The following SLC12A3 variants were observed in gnomAD, a reference collection of about 807,000 sequenced individuals.
SLC12A3 encodes solute carrier family 12 member 3, also known as Na-Cl cotransporter.
Under a neutral mutation model 121.0 loss-of-function variants are expected in SLC12A3, and 104 were observed. That is an observed-to-expected ratio of 0.86 (90% confidence interval 0.73 to 1.01). The LOEUF (loss-of-function observed/expected upper bound fraction) is 1.01, where lower values mean the gene tolerates loss of function less well. Ranked by LOEUF, SLC12A3 falls within the 50% of genes least tolerant of loss-of-function variation. SLC12A3 has a pLI of 0.00. For missense variants in SLC12A3, 1,328 were observed against 1,356.3 expected, an observed-to-expected ratio of 0.98 and a Z score of 0.33; for synonymous variants, 536 against 533.4, an observed-to-expected ratio of 1.00 and a Z score of -0.07.
chr16:56,906,849 C>A, intron 25 of SLC12A3: 1 of 643,056 alleles, frequency 1.6e-6, no homozygotes. Flanking sequence ...CTCAAGAAAG[C>A]AATGAAAGGA....
chr16:56,890,516 G>C (rs989297208), intron 19 of SLC12A3, among the ~76,000 whole-genome samples, 160 bp downstream of exon 19: 1 of 152,214 alleles, frequency 6.6e-6, no homozygotes, highest in East Asian at 1.9e-4. Context: ...GAAAGAGAAA[G>C]CAACGCATTC....
chr16:56,914,061 C>T lies in SLC12A3; in HGVS notation c.*656C>T, dbSNP rs2055721975. ...AATAGCTGGGATTACAGGCACCTGC[C>T]ATCACACGAGCTAATTTTTGTATTT... is the stretch of plus-strand genomic sequence containing the variant. On this transcript the variant is annotated 3_prime_UTR_variant, in exon 26 of 26. Coordinates refer to ENST00000563236, the MANE Select transcript of SLC12A3 (RefSeq NM_001126108.2). The T allele has an allele frequency of 6.6e-6, 1 of 152,292 alleles. No homozygotes were observed. The highest frequency in any genetic ancestry group is 1.9e-4 in the East Asian group (1 of 5,202). 9.4% of individuals were successfully genotyped at this position (152,292 alleles called of 1,614,324 possible). A position where few individuals can be genotyped will look rare whatever the true frequency, so the allele number is the denominator to read the frequency against.
rs1278411287 is a variant in SLC12A3 at position 56,872,809 on chromosome 16, C to T, written c.1095+23C>T. 5 of 1,613,958 alleles carry T rather than the reference C, an allele frequency of 3.1e-6. No individual in the cohort carries two copies. The South Asian group carries it at 5.5e-5, about 18-fold the overall frequency. ...AAGGTGAGCAGAATACTTGCCCCTC[C>T]TGTGTCCTGGCACTGCACAGGGGCT... is the stretch of plus-strand genomic sequence containing the variant. On this transcript the variant is annotated intron_variant, in intron 8 of 25. Transcript: ENST00000563236.
At chr16:56,888,251 C>T (rs1190315091) in intron 18 of SLC12A3, among the ~76,000 whole-genome samples, 1 of 152,192 alleles carries the variant, frequency 6.6e-6, no homozygotes, top group Non-Finnish European at 1.5e-5. Flanking sequence ...TGCACTCCAG[C>T]CTAGGCGAAA....
At chr16:56,865,991 CTT>C (rs5817079) in intron 1 of SLC12A3, among the ~76,000 whole-genome samples, 65 of 140,008 alleles carry the variant, frequency 4.6e-4, no homozygotes, top group Admixed American at 7.1e-4. Context: ...CTTTTCTTTT[CTT>C]TTTTTTTTTT....
intron 12 of SLC12A3, among the ~76,000 whole-genome samples, chr16:56,880,645 G>A (rs1386946706): frequency 6.6e-6 from 1 of 152,274 alleles, no homozygotes. Flanking sequence ...CTTGGGATGG[G>A]ATACCAATGG....
At chr16:56,872,211 A>G (rs1469365844) in intron 6 of SLC12A3, 140 bp from the exon 7 acceptor site, 1 of 689,946 alleles carries the variant, frequency 1.4e-6, no homozygotes, top group Non-Finnish European at 2.6e-6. Context: ...CCTTGAACAG[A>G]TCCTGCTGCA....
intron 24 of SLC12A3, among the ~76,000 whole-genome samples, chr16:56,903,742 C>T (rs1044006142): frequency 2.0e-5 from 3 of 146,400 alleles, no homozygotes; most frequent in African/African-American, 8.0e-5. Context: ...AAGGAGTCTC[C>T]CACCCCCAAC....
intron 20 of SLC12A3, 124 bp from the exon 21 acceptor site, chr16:56,892,815 GTCCTGGGCCCCGGT>G (rs1472690612): frequency 5.8e-6 from 4 of 694,360 alleles, no homozygotes; most frequent in African/African-American, 3.5e-5. Context: ...AGCACTGAGC[GTCCTGGGCCCCGGT>G]TCCTGTTCCA....
At chr16:56,872,280 A>G in intron 6 of SLC12A3, 71 bp from the exon 7 acceptor site, 1 of 1,088,838 alleles carries the variant, frequency 9.2e-7, no homozygotes, top group Non-Finnish European at 1.4e-6. Flanking sequence ...TGGGCAAATC[A>G]TTTTCTGGCG....
rs1177624087 is a variant in SLC12A3, at chr16:56,909,223, C to G, written c.2925-4041C>G. Among the ~76,000 whole-genome samples, 10 of 151,378 alleles carry G rather than the reference C, an allele frequency of 6.6e-5. No homozygotes were observed. The East Asian group carries it at 1.9e-3, about 29-fold the overall frequency. ...CCTGTAATCCCAGCACTTTGGGAGG[C>G]TGAGGCTGAAGGATTGATCGAGCCC... On this transcript the variant is annotated intron_variant, in intron 25 of 25. Coordinates refer to ENST00000563236, the MANE Select transcript of SLC12A3 (RefSeq NM_001126108.2).
intron 22 of SLC12A3, among the ~76,000 whole-genome samples, chr16:56,898,760 T>C (rs1237594255): frequency 1.3e-5 from 2 of 152,236 alleles, no homozygotes; most frequent in Non-Finnish European, 2.9e-5. Flanking sequence ...GTCTTGCTAC[T>C]CCTGGGTCTG....
chr16:56,899,486 C>A, intron 22 of SLC12A3, 44 bp from the exon 23 acceptor site: 1 of 1,475,442 alleles, frequency 6.8e-7, no homozygotes, highest in Non-Finnish European at 9.5e-7. Context: ...AAGACGCTGT[C>A]TCAAGAAAAA....
At chr16:56,886,645 G>A (rs552222727) in intron 16 of SLC12A3, among the ~76,000 whole-genome samples, 170 bp downstream of exon 16, 2 of 152,294 alleles carry the variant, frequency 1.3e-5, no homozygotes, top group South Asian at 4.1e-4. Flanking sequence ...CACCCACAGA[G>A]TGGGGGCCGA....
chr16:56,883,725 C>G (rs2144722344), intron 13 of SLC12A3, among the ~76,000 whole-genome samples: 1 of 152,336 alleles, frequency 6.6e-6, no homozygotes, highest in East Asian at 1.9e-4. Context: ...GGGAGCCAGG[C>G]AGAATCATGT....
At chr16:56,870,494 G>C in intron 5 of SLC12A3, 132 bp from the exon 6 acceptor site, 1 of 776,190 alleles carries the variant, frequency 1.3e-6, no homozygotes, top group Non-Finnish European at 2.3e-6. Context: ...GGACTCGATG[G>C]CAGGGGTGGT....
At chr16:56,881,799 A>C (rs1447898125) in intron 12 of SLC12A3, among the ~76,000 whole-genome samples, 2 of 152,120 alleles carry the variant, frequency 1.3e-5, no homozygotes, top group African/African-American at 4.8e-5. Context: ...CTGTAATCCC[A>C]GCACTTTAGG....
intron 15 of SLC12A3, among the ~76,000 whole-genome samples, chr16:56,885,855 G>A (rs989459768): frequency 2.0e-5 from 3 of 152,194 alleles, no homozygotes; most frequent in Non-Finnish European, 4.4e-5. Context: ...TGAGGTCCAG[G>A]AAATTACTAA....
At chr16:56,879,027 T>C (rs750023593) in intron 9 of SLC12A3, 46 bp from the exon 10 acceptor site, 11 of 1,568,916 alleles carry the variant, frequency 7.0e-6, no homozygotes, top group Non-Finnish European at 9.5e-6. Context: ...GAGGACAGAG[T>C]AAGGAGGGAA....
Sources: gnomAD v4.1 joint callset for allele counts (sites outside exome capture counted in the v4.1 genomes callset) on GRCh38, gnomAD v4.1.1 for gene constraint, MANE v1.5 for transcripts, NCBI Gene and HGNC (gene_info 2026-07-23, HGNC 2026-07-21) for gene names.